Variants in NYAP2 observed in about 807,000 individuals in gnomAD.
NYAP2 encodes the protein neuronal tyrosine-phosphorylated phosphoinositide-3-kinase adapter 2.
In NYAP2, 23 loss-of-function variants were observed where a neutral mutation model predicts 50.4. The observed-to-expected ratio is 0.46, with a 90% confidence interval of 0.33 to 0.65. The LOEUF (loss-of-function observed/expected upper bound fraction) is 0.65, where lower values mean the gene tolerates loss of function less well. Among genes scored for constraint, NYAP2 ranks in the 30% least tolerant of loss-of-function variants. The pLI is 0.02. For synonymous variants in NYAP2, 394 were observed against 365.2 expected (o/e 1.08, Z -0.90); for missense variants, 885 against 861.0 (o/e 1.03, Z -0.35).
intron 3 of NYAP2, among the ~76,000 whole-genome samples, chr2:225,484,853 C>T (rs937232405): frequency 5.9e-5 from 9 of 152,162 alleles, no homozygotes; most frequent in Admixed American, 2.0e-4. Flanking sequence ...AATGTATCAG[C>T]GTCATCTGAA....
At chr2:225,529,228 A>G (rs531849360) in intron 4 of NYAP2, among the ~76,000 whole-genome samples, 1 of 152,182 alleles carries the variant, frequency 6.6e-6, no homozygotes, top group East Asian at 1.9e-4. Context: ...CTAGACTTCA[A>G]CATGGCCCCT....
chr2:225,550,424 G>A (rs1347209589), intron 4 of NYAP2, among the ~76,000 whole-genome samples: 1 of 152,192 alleles, frequency 6.6e-6, no homozygotes, highest in African/African-American at 2.4e-5. Context: ...ATTAGATTTG[G>A]CAATATTTGA....
chr2:225,603,525 G>A (rs540230657), intron 5 of NYAP2, among the ~76,000 whole-genome samples: 42 of 152,172 alleles, frequency 2.8e-4, no homozygotes, highest in African/African-American at 1.0e-3. Flanking sequence ...GCAGTAATGC[G>A]ATCTCGGCTC....
chr2:225,461,096 G>T (rs1267498183), intron 3 of NYAP2, among the ~76,000 whole-genome samples: 2 of 149,138 alleles, frequency 1.3e-5, no homozygotes, highest in African/African-American at 4.9e-5. Context: ...TACCAGAATT[G>T]TTCCTCCCCA....
intron 4 of NYAP2, among the ~76,000 whole-genome samples, chr2:225,561,213 T>C (rs1247303898): frequency 6.6e-6 from 1 of 152,032 alleles, no homozygotes; most frequent in Non-Finnish European, 1.5e-5. Flanking sequence ...AAGGTGGTCA[T>C]GAGAAACCCT....
intron 4 of NYAP2, among the ~76,000 whole-genome samples, chr2:225,538,798 C>CT (rs1559208658): frequency 0.07 from 3,799 of 54,314 alleles, 67 homozygotes; most frequent in East Asian, 0.11. Context: ...TTCTTTCTTT[C>CT]TTTCTTTCTT....
intron 4 of NYAP2, among the ~76,000 whole-genome samples, chr2:225,572,079 A>T (rs1574685091): frequency 6.6e-6 from 1 of 152,328 alleles, no homozygotes; most frequent in East Asian, 1.9e-4. Context: ...AACTGAGACC[A>T]CTTCAGCCTG....
intron 5 of NYAP2, among the ~76,000 whole-genome samples, chr2:225,591,359 G>C (rs1423933467): frequency 6.6e-6 from 1 of 152,086 alleles, no homozygotes; most frequent in Non-Finnish European, 1.5e-5. Context: ...TGAGGAATAA[G>C]GTAGTAAGAT....
chr2:225,502,095 A>G (rs1402340143), intron 3 of NYAP2, among the ~76,000 whole-genome samples: 1 of 152,260 alleles, frequency 6.6e-6, no homozygotes, highest in Non-Finnish European at 1.5e-5. Flanking sequence ...AAAGAAATGG[A>G]AGAGCTATCA....
chr2:225,476,575 A>AAATTT (rs1040956144), intron 3 of NYAP2, among the ~76,000 whole-genome samples: 45 of 152,176 alleles, frequency 3.0e-4, no homozygotes, highest in African/African-American at 8.7e-4. Context: ...ACACACTTTT[A>AAATTT]AATTTAATCT....
At chr2:225,452,207 C>T (rs536829697) in intron 3 of NYAP2, among the ~76,000 whole-genome samples, 2 of 152,282 alleles carry the variant, frequency 1.3e-5, no homozygotes, top group South Asian at 4.1e-4. Flanking sequence ...AGACTAAGTC[C>T]TTTAACTTCT....
At chr2:225,562,983 T>C (rs1328792002) in intron 4 of NYAP2, among the ~76,000 whole-genome samples, 3 of 152,122 alleles carry the variant, frequency 2.0e-5, no homozygotes, top group Non-Finnish European at 4.4e-5. Context: ...CTTACCCACT[T>C]CATGGCAAAA....
intron 3 of NYAP2, among the ~76,000 whole-genome samples, chr2:225,442,739 C>T (rs914594045): frequency 6.6e-6 from 1 of 152,018 alleles, no homozygotes; most frequent in African/African-American, 2.4e-5. Context: ...CCACGCCCAG[C>T]TAATTTTTGT....
At chr2:225,430,247 C>T (rs546054016) in intron 3 of NYAP2, among the ~76,000 whole-genome samples, 2 of 152,224 alleles carry the variant, frequency 1.3e-5, no homozygotes, top group South Asian at 4.1e-4. Context: ...TTTTCGATGT[C>T]CAGGACCTTA....
rs976659447 is a variant in NYAP2 at position 225,582,401 on chromosome 2, C to A, written c.984C>A (p.Asn328Lys). 1 of 1,606,678 alleles carries A rather than the reference C, an allele frequency of 6.2e-7. No homozygotes were observed. Among genetic ancestry groups the A allele is most frequent in the Non-Finnish European group, 8.5e-7 (1 of 1,174,846 alleles). The change falls in exon 5 of 7, where the codon AAC becomes AAA. Residue 328 changes from asparagine to lysine, a missense_variant. Physicochemically the swap from Asn to Lys is moderately conservative, Grantham distance 94. Transcript: ENST00000636099. The surrounding 1 kb of genome is among the most constrained non-coding windows in gnomAD (Gnocchi z 7.0). ...GCGACATCCCTCCGCCCTTCCCCAA[C>A]CTGCTTTCTCACAGACCCCCGCTGC...
intron 3 of NYAP2, among the ~76,000 whole-genome samples, chr2:225,472,314 A>G (rs1266057829): frequency 6.6e-6 from 1 of 152,220 alleles, no homozygotes; most frequent in East Asian, 1.9e-4. Context: ...TTGCCTATGC[A>G]TGTTCAGCCA....
At chr2:225,572,576 C>T (rs972272134) in intron 4 of NYAP2, among the ~76,000 whole-genome samples, 2 of 152,150 alleles carry the variant, frequency 1.3e-5, no homozygotes, top group African/African-American at 4.8e-5. Flanking sequence ...CTCACCGGTT[C>T]CCTCCCATGA....
At chr2:225,601,905 T>A (rs570720023) in intron 5 of NYAP2, among the ~76,000 whole-genome samples, 38 of 152,340 alleles carry the variant, frequency 2.5e-4, no homozygotes, top group African/African-American at 8.7e-4. Context: ...CTACTTTGAC[T>A]GTTGTTGCCT....
In NYAP2 at chr2:225,482,844, C is replaced by G. The variant is rs139679042; in HGVS notation, c.222-30527C>G. On this transcript the variant is annotated intron_variant, in intron 3 of 6. Transcript: ENST00000636099. ...CAACTGTGCAATCTTACTGCTAATGCAAAGAACAACAGAGTGGGAGAAATG... is the reference window on the plus strand; with the variant it reads ...CAACTGTGCAATCTTACTGCTAATGGAAAGAACAACAGAGTGGGAGAAATG... Among the ~76,000 whole-genome samples, 934 of 152,200 alleles carry G rather than the reference C, an allele frequency of 6.1e-3. 8 individuals are homozygous for G. The highest frequency in any genetic ancestry group is 0.021 in the African/African-American group (875 of 41,518).
Sources: gnomAD v4.1 joint callset for allele counts (sites outside exome capture counted in the v4.1 genomes callset) on GRCh38, gnomAD v4.1.1 for gene constraint, Gnocchi (gnomAD v3.1) non-coding constraint, MANE v1.5 for transcripts, NCBI Gene and HGNC (gene_info 2026-07-23, HGNC 2026-07-21) for gene names.